Variants in G3BP1 observed in about 807,000 individuals in gnomAD.
G3BP1 encodes the protein G3BP stress granule assembly factor 1, also known as ras GTPase-activating protein-binding protein 1.
In G3BP1, 35 loss-of-function variants were observed where a neutral mutation model predicts 58.6. That is an observed-to-expected ratio of 0.60 (90% confidence interval 0.46 to 0.79). The LOEUF (loss-of-function observed/expected upper bound fraction) is 0.79. Among genes scored for constraint, G3BP1 ranks in the 30% least tolerant of loss-of-function variants. The pLI, the probability that G3BP1 is intolerant of heterozygous loss-of-function variation, is 0.00. For synonymous variants in G3BP1, 191 were observed against 195.4 expected (o/e 0.98, Z 0.19); for missense variants, 523 against 580.8 (o/e 0.90, Z 1.02).
chr5:151,806,421 A>C lies in G3BP1; in HGVS notation c.*2330A>C, dbSNP rs1762939120. The C allele has an allele frequency of 6.6e-6, 1 of 152,110 alleles. No homozygotes were observed. Among genetic ancestry groups the C allele is most frequent in the Non-Finnish European group, 1.5e-5 (1 of 68,036 alleles). The allele number at this position is 152,110 out of a possible 1,614,324, so 9.4% of individuals were successfully genotyped here. On this transcript the variant is annotated 3_prime_UTR_variant, in exon 12 of 12. Coordinates refer to ENST00000356245, the MANE Select transcript of G3BP1 (RefSeq NM_005754.3). ...ATGCTGCTTGTAATTTGTTGCAGGG[A>C]ATTACTGCACAATCTCAGAAAATAG...
chr5:151,802,528 T>C (rs1762871980), intron 11 of G3BP1, among the ~76,000 whole-genome samples: 1 of 152,208 alleles, frequency 6.6e-6, no homozygotes. Flanking sequence ...CATCACTCAT[T>C]AGTGTTGTGA....
rs201736162 is a variant in G3BP1, at chr5:151,800,838, C to T, written c.1163C>T (p.Ser388Phe). The stretch of plus-strand genomic sequence containing the variant: ...TTTGGTTTTGTTGTGTTTGATGATT[C>T]TGAGCCTGTTCAGAAAGTCCTTAGC... ...PNFGFVVFDD[S>F]EPVQKVLSNR... Residue 388 changes from serine (S) to phenylalanine (F), a missense_variant, in exon 11 of 12, where the codon TCT becomes TTT. Around this residue, in one of 2 missense-constraint regions of G3BP1, gnomAD observed 125 missense variants for 181.7 expected, o/e 0.69. Coordinates refer to ENST00000356245, the MANE Select transcript of G3BP1 (RefSeq NM_005754.3). 3.1e-6 allele frequency: 5 copies of T among 1,604,480 alleles called. No individual in the cohort carries two copies. The highest frequency in any genetic ancestry group is 2.6e-6 in the Non-Finnish European group (3 of 1,173,042).
intron 2 of G3BP1, among the ~76,000 whole-genome samples, chr5:151,789,723 T>G (rs1241319272): frequency 6.6e-6 from 1 of 152,196 alleles, no homozygotes; most frequent in African/African-American, 2.4e-5. Flanking sequence ...TAGGAACTTA[T>G]GTATTGGTGG....
chr5:151,797,278 T>G lies in G3BP1; in HGVS notation c.591T>G (p.Asp197Glu). ...AGCCTGTTGCTGAACCAGAGCCTGA[T>G]CCTGAACCAGAACCAGAACAAGAAC... ...LEEPVAEPEPDPEPEPEQEPV... is the reference protein window; with the variant it reads ...LEEPVAEPEPEPEPEPEQEPV... The change falls in exon 7 of 12, where the codon GAT (aspartate) becomes GAG (glutamate). Residue 197 changes from aspartate (D) to glutamate (E), a missense_variant. Coordinates refer to ENST00000356245, the MANE Select transcript of G3BP1 (RefSeq NM_005754.3). 6.2e-7 allele frequency: 1 copy of G among 1,613,278 alleles called. No individual in the cohort carries two copies. Among genetic ancestry groups the G allele is most frequent in the Non-Finnish European group, 8.5e-7 (1 of 1,179,296 alleles).
intron 5 of G3BP1, among the ~76,000 whole-genome samples, chr5:151,794,776 T>C (rs1762722537): frequency 6.6e-6 from 1 of 152,224 alleles, no homozygotes; most frequent in Non-Finnish European, 1.5e-5. Flanking sequence ...TCCAAAATAG[T>C]AGAATTGAGT....
chr5:151,794,330 T>C (rs1177809194), intron 5 of G3BP1, 81 bp downstream of exon 5: 3 of 760,698 alleles, frequency 3.9e-6, no homozygotes, highest in Non-Finnish European at 7.0e-6. Flanking sequence ...TATGGGTTTC[T>C]TTACTGTTTT....
rs1473190322 is a variant in G3BP1 at position 151,811,133 on chromosome 5, T to A, written c.*7042T>A. The A allele has an allele frequency of 1.3e-5, 2 of 152,234 alleles. No individual in the cohort carries two copies. Among genetic ancestry groups the A allele is most frequent in the East Asian group, 3.8e-4 (2 of 5,204 alleles). The allele number at this position is 152,234 out of a possible 1,614,324, so 9.4% of individuals were successfully genotyped here. ...GTCTTTCCCGTCTTTCTTCCTCACCTATGTAATTTCAGTAGTCTCTCAGCT... is the reference window on the plus strand; with the variant it reads ...GTCTTTCCCGTCTTTCTTCCTCACCAATGTAATTTCAGTAGTCTCTCAGCT... On this transcript the variant is annotated 3_prime_UTR_variant, in exon 12 of 12. Coordinates refer to ENST00000356245, the MANE Select transcript of G3BP1 (RefSeq NM_005754.3).
intron 11 of G3BP1, 86 bp from the exon 12 acceptor site, chr5:151,803,799 T>A: frequency 1.1e-6 from 1 of 922,116 alleles, no homozygotes; most frequent in Non-Finnish European, 1.7e-6. Context: ...CAGCCTCTGC[T>A]GGTTCATTAT....
intron 8 of G3BP1, 47 bp downstream of exon 8, chr5:151,799,360 G>GATT: frequency 1.1e-6 from 1 of 948,882 alleles, no homozygotes; most frequent in South Asian, 1.3e-5. Flanking sequence ...TACTTCTATT[G>GATT]TGGTAATTTG....
chr5:151,798,054 T>C (rs1762787147), intron 7 of G3BP1, among the ~76,000 whole-genome samples: 1 of 152,250 alleles, frequency 6.6e-6, no homozygotes, highest in South Asian at 2.1e-4. Context: ...GTTTGTTCAA[T>C]AATTCAAATT....
chr5:151,802,887 C>T (rs376366015), intron 11 of G3BP1, among the ~76,000 whole-genome samples: 11 of 152,184 alleles, frequency 7.2e-5, no homozygotes, highest in African/African-American at 1.4e-4. Flanking sequence ...GAGCCGAGAT[C>T]GCGCCACTGC....
chr5:151,791,013 A>G lies in G3BP1; in HGVS notation c.302A>G (p.Asn101Ser). The change falls in exon 4 of 12, where the codon AAC becomes AGC. Residue 101 changes from asparagine (N) to serine (S), a missense_variant. Asn to Ser is a conservative substitution (Grantham distance 46). Coordinates refer to ENST00000356245, the MANE Select transcript of G3BP1 (RefSeq NM_005754.3). ...VVQVMGLLSN[N>S]NQALRRFMQT... ...CAGGTGATGGGGCTTCTCTCTAACA[A>G]CAACCAGGCTTTGAGGAGATTCATG... 2 of 1,613,938 alleles carry G rather than the reference A, an allele frequency of 1.2e-6. No individual in the cohort carries two copies. The highest frequency in any genetic ancestry group is 1.7e-6 in the Non-Finnish European group (2 of 1,179,892).
In G3BP1 at chr5:151,809,731, C is replaced by T. The variant is rs1442387452; in HGVS notation, c.*5640C>T. The T allele has an allele frequency of 2.6e-5, 4 of 152,254 alleles. No individual in the cohort carries two copies. The highest frequency in any genetic ancestry group is 1.9e-4 in the East Asian group (1 of 5,180). 9.4% of individuals were successfully genotyped at this position (152,254 alleles called of 1,614,324 possible). ...AATATGGTGATCATCAGTTTAGATT[C>T]ACTGTAGGAAGGGCAGCCCTGTTAA... On this transcript the variant is annotated 3_prime_UTR_variant, in exon 12 of 12. Coordinates refer to ENST00000356245, the MANE Select transcript of G3BP1 (RefSeq NM_005754.3).
chr5:151,789,769 A>G (rs1304791805), intron 2 of G3BP1, among the ~76,000 whole-genome samples: 1 of 152,222 alleles, frequency 6.6e-6, no homozygotes, highest in Non-Finnish European at 1.5e-5. Context: ...CCTTCCCAAC[A>G]GTATCATCCT....
At position 151,803,937 on chromosome 5, in the gene G3BP1, G is replaced by A. The variant is rs1456450113; in HGVS notation, c.1247G>A (p.Arg416Gln). ...CTGAATGTCGAAGAGAAGAAGACTC[G>A]AGCTGCCAGGGAAGGCGACCGACGA... ...VRLNVEEKKT[R>Q]AAREGDRRDN... Residue 416 changes from arginine (R) to glutamine (Q), a missense_variant, in exon 12 of 12, where the codon CGA becomes CAA. Transcript: ENST00000356245. 1.2e-6 allele frequency: 2 copies of A among 1,613,968 alleles called. No homozygotes were observed. Among genetic ancestry groups the A allele is most frequent in the Non-Finnish European group, 1.7e-6 (2 of 1,179,906 alleles).
At chr5:151,792,642 T>TA (rs1762679671) in intron 4 of G3BP1, among the ~76,000 whole-genome samples, 1 of 152,188 alleles carries the variant, frequency 6.6e-6, no homozygotes. Flanking sequence ...CTCCCTGTGT[T>TA]ACCCAGGCTG....
chr5:151,788,614 A>ATTAT (rs1482821721), intron 2 of G3BP1, among the ~76,000 whole-genome samples: 1 of 43,684 alleles, frequency 2.3e-5, no homozygotes, highest in East Asian at 8.6e-4. Flanking sequence ...GTGTGTGTGT[A>ATTAT]TTATTTATTT....
At chr5:151,788,779 G>T (rs992903168) in intron 2 of G3BP1, among the ~76,000 whole-genome samples, 1 of 151,076 alleles carries the variant, frequency 6.6e-6, no homozygotes, top group African/African-American at 2.4e-5. Context: ...ACCATGCCTG[G>T]CTCTTTTTTT....
At chr5:151,772,884 G>C (rs1762298345) in intron 1 of G3BP1, among the ~76,000 whole-genome samples, 1 of 152,238 alleles carries the variant, frequency 6.6e-6, no homozygotes, top group Non-Finnish European at 1.5e-5. Flanking sequence ...AGGCTGCAGC[G>C]GCATTTGTAC....
Sources: gnomAD v4.1 joint callset for allele counts (sites outside exome capture counted in the v4.1 genomes callset) on GRCh38, gnomAD v4.1.1 for gene constraint, gnomAD v4.1.1 regional missense constraint, MANE v1.5 for transcripts, NCBI Gene and HGNC (gene_info 2026-07-23, HGNC 2026-07-21) for gene names.